Variants in GARIN5B observed in about 807,000 individuals in gnomAD.
GARIN5B encodes the protein Golgi-associated RAB2 interactor protein 5B.
At chr19:55,358,173 C>T in the GARIN5B span, 1 of 1,512,786 alleles carries the variant, frequency 6.6e-7, no homozygotes, top group Non-Finnish European at 8.9e-7. Flanking sequence ...ACGCCCGATT[C>T]CTCCTGTATC....
the GARIN5B span, chr19:55,362,610 C>G: frequency 1.2e-5 from 19 of 1,546,998 alleles, no homozygotes; most frequent in East Asian, 4.7e-4. Context: ...AGTCCCTGTC[C>G]TCGGCGGGCT....
the GARIN5B span, chr19:55,362,299 C>G: frequency 6.5e-7 from 1 of 1,549,344 alleles, no homozygotes; most frequent in Non-Finnish European, 8.7e-7. Context: ...CCAGGGGGGC[C>G]GTGCGCGTGG....
chr19:55,358,051 CAAAAAAA>C, the GARIN5B span: 24 of 1,118,114 alleles, frequency 2.1e-5, no homozygotes, highest in Admixed American at 1.5e-4. Context: ...GAGACCCTGT[CAAAAAAA>C]AAAAAAAAAG....
At chr19:55,361,490 C>T in the GARIN5B span, 1 of 1,449,264 alleles carries the variant, frequency 6.9e-7, no homozygotes, top group Non-Finnish European at 9.1e-7. Flanking sequence ...CCATAACCTA[C>T]CCAGCGAGAG....
chr19:55,358,867 C>T, the GARIN5B span: 5 of 1,548,496 alleles, frequency 3.2e-6, no homozygotes, highest in Non-Finnish European at 4.4e-6. Context: ...TCTTCCGCTG[C>T]TCCAACTCCT....
the GARIN5B span, chr19:55,363,226 C>CCA: frequency 1.4e-6 from 1 of 690,886 alleles, no homozygotes; most frequent in Non-Finnish European, 2.1e-6. This position sits in a 1 kb window ranked among gnomAD's most constrained non-coding sequence, Gnocchi z 4.0. Context: ...CTCGGGCCTC[C>CCA]GCCATGGCCC....
chr19:55,357,505 C>A, the GARIN5B span, among the ~76,000 whole-genome samples: 69 of 152,348 alleles, frequency 4.5e-4, no homozygotes, highest in Non-Finnish European at 2.8e-4. Context: ...TGCTTTCCCC[C>A]CAGATGTCCT....
the GARIN5B span, chr19:55,362,167 T>C: frequency 2.8e-6 from 4 of 1,436,090 alleles, no homozygotes; most frequent in Non-Finnish European, 3.7e-6. Context: ...TTTGGGCTCT[T>C]GGTCGCAGTC....
the GARIN5B span, chr19:55,359,852 A>G: frequency 6.4e-7 from 1 of 1,551,510 alleles, no homozygotes; most frequent in Non-Finnish European, 8.7e-7. Flanking sequence ...CTGATGCCAC[A>G]GGCACGGGTC....
chr19:55,358,972 G>A, the GARIN5B span: 1 of 1,551,200 alleles, frequency 6.4e-7, no homozygotes. Flanking sequence ...AGGCCTCCAG[G>A]GTCACCTCCT....
At chr19:55,358,208 C>T in the GARIN5B span, 8 of 1,546,202 alleles carry the variant, frequency 5.2e-6, no homozygotes, top group African/African-American at 8.2e-5. Flanking sequence ...GGCCGTGTTC[C>T]TCACAGTTTC....
the GARIN5B span, chr19:55,361,125 C>CGGT: frequency 6.4e-7 from 1 of 1,550,436 alleles, no homozygotes; most frequent in African/African-American, 1.4e-5. Flanking sequence ...GAGGAAGGGA[C>CGGT]GGTTAGACAG....
At chr19:55,363,206 G>T in the GARIN5B span, 1 of 902,912 alleles carries the variant, frequency 1.1e-6, no homozygotes, top group Non-Finnish European at 1.5e-6. This position sits in a 1 kb window ranked among gnomAD's most constrained non-coding sequence, Gnocchi z 4.0. Context: ...AGATGCCCCA[G>T]GCTGGGAGAC....
At chr19:55,355,420 G>A in the GARIN5B span, 1 of 1,460,630 alleles carries the variant, frequency 6.8e-7, no homozygotes, top group Non-Finnish European at 9.4e-7. Flanking sequence ...GGCTTTAAGA[G>A]CTGCAGATGC....
At chr19:55,362,658 C>T in the GARIN5B span, 1 of 1,546,798 alleles carries the variant, frequency 6.5e-7, no homozygotes, top group Non-Finnish European at 8.7e-7. Flanking sequence ...CCAGGCCTGG[C>T]AGGGAGGCGG....
At chr19:55,358,800 G>A in the GARIN5B span, 1 of 1,548,974 alleles carries the variant, frequency 6.5e-7, no homozygotes, top group Non-Finnish European at 8.7e-7. Flanking sequence ...ACAGAGAAGG[G>A]CCTGCTGTGC....
chr19:55,356,911 C>T, the GARIN5B span, among the ~76,000 whole-genome samples: 205 of 152,092 alleles, frequency 1.3e-3, 1 homozygote, highest in African/African-American at 4.6e-3. Context: ...ATCAGCCGGG[C>T]GTGGTGGTGA....
At chr19:55,361,680 CCT>C in the GARIN5B span, among the ~76,000 whole-genome samples, 1 of 29,858 alleles carries the variant, frequency 3.3e-5, no homozygotes, top group African/African-American at 7.4e-5. Context: ...GGGGTCCAGG[CCT>C]CAGTTCCTCC....
At chr19:55,355,305 C>G in the GARIN5B span, 1 of 1,549,478 alleles carries the variant, frequency 6.5e-7, no homozygotes, top group Non-Finnish European at 8.7e-7. Context: ...TGAGGTTAAG[C>G]CCCCGCATCC....
Sources: allele counts gnomAD v4.1 joint callset (sites outside exome capture counted in the v4.1 genomes callset), GRCh38; gene constraint gnomAD v4.1.1; non-coding constraint Gnocchi (gnomAD v3.1); transcripts MANE v1.5; gene names NCBI Gene and HGNC (gene_info 2026-07-23, HGNC 2026-07-21).